The following ZFYVE9 variants were observed in gnomAD, a reference collection of about 807,000 sequenced individuals.
The protein encoded by ZFYVE9 is zinc finger FYVE-type containing 9.
In ZFYVE9, 43 loss-of-function variants were observed where a neutral mutation model predicts 126.7. That is an observed-to-expected ratio of 0.34 (90% CI 0.27 to 0.44). ZFYVE9 has a LOEUF of 0.44. ZFYVE9 is among the 20% of genes least tolerant of loss of function. The pLI, the probability that ZFYVE9 is intolerant of heterozygous loss-of-function variation, is 1.00. For synonymous variants in ZFYVE9, 521 were observed against 597.4 expected (o/e 0.87, Z 1.87); for missense variants, 1,476 against 1,697.0 (o/e 0.87, Z 2.29).
intron 16 of ZFYVE9, among the ~76,000 whole-genome samples, chr1:52,338,901 C>T (rs898796128): frequency 1.3e-5 from 2 of 152,092 alleles, no homozygotes; most frequent in Non-Finnish European, 2.9e-5. Flanking sequence ...ATCCCAGCTA[C>T]TCAGGAGGCT....
intron 4 of ZFYVE9, among the ~76,000 whole-genome samples, chr1:52,242,224 G>T (rs1057111513): frequency 3.9e-5 from 6 of 151,914 alleles, no homozygotes; most frequent in African/African-American, 1.2e-4. Flanking sequence ...TAGAGGCGGG[G>T]TTTCACCATG....
At chr1:52,305,166 C>T (rs1301642821) in intron 13 of ZFYVE9, among the ~76,000 whole-genome samples, 2 of 152,312 alleles carry the variant, frequency 1.3e-5, no homozygotes, top group Non-Finnish European at 2.9e-5. Flanking sequence ...GCTGGCCAAG[C>T]GCGATGGCTC....
chr1:52,205,504 C>T (rs1356228456), intron 1 of ZFYVE9, among the ~76,000 whole-genome samples: 6 of 151,776 alleles, frequency 4.0e-5, no homozygotes, highest in Non-Finnish European at 8.8e-5. Context: ...GCTAGGTCTA[C>T]AAGTGTGCAC....
In ZFYVE9 at chr1:52,272,941, C is replaced by G. The variant is rs191866505; in HGVS notation, c.2626-1523C>G. ...CCTTCCAAAGTGCTGGGATTACGGGCGTGAGCCACTGTACCCGGCCGTATG... is the reference window on the plus strand; with the variant it reads ...CCTTCCAAAGTGCTGGGATTACGGGGGTGAGCCACTGTACCCGGCCGTATG... On this transcript the variant is annotated intron_variant, in intron 7 of 18. Coordinates refer to ENST00000287727, the MANE Select transcript of ZFYVE9 (RefSeq NM_004799.4). Among the ~76,000 whole-genome samples the G allele has an allele frequency of 5.6e-3, 856 of 152,130 alleles. 5 individuals carry two copies. The highest frequency in any genetic ancestry group is 0.02 in the African/African-American group (824 of 41,476).
chr1:52,175,834 G>A (rs1361051089), intron 1 of ZFYVE9, among the ~76,000 whole-genome samples: 1 of 152,076 alleles, frequency 6.6e-6, no homozygotes, highest in Admixed American at 6.5e-5. Flanking sequence ...CGTAGTTCTC[G>A]AGCCTTGGCT....
rs139957432 is a variant in ZFYVE9 at position 52,213,476 on chromosome 1, C to G, written c.-142-2893C>G. Among the ~76,000 whole-genome samples the G allele has an allele frequency of 3.9e-3, 597 of 152,084 alleles. 12 individuals carry two copies. In the South Asian group the frequency reaches 0.044, roughly 11 times the overall value. ...GACCAGCCTGGGCAACATAGTGAAA[C>G]CCTGTCTCTACTAAAATACAAAAAA... On this transcript the variant is annotated intron_variant, in intron 1 of 18. Transcript: ENST00000287727.
At chr1:52,216,848 T>C (rs1645076215) in intron 2 of ZFYVE9, among the ~76,000 whole-genome samples, 1 of 152,204 alleles carries the variant, frequency 6.6e-6, no homozygotes, top group African/African-American at 2.4e-5. Context: ...GTAAATTTAA[T>C]TATGTTATTT....
At chr1:52,167,447 A>G (rs1240968028) in intron 1 of ZFYVE9, among the ~76,000 whole-genome samples, 1 of 152,192 alleles carries the variant, frequency 6.6e-6, no homozygotes, top group Non-Finnish European at 1.5e-5. Context: ...CGTTGCCATG[A>G]AGACCCATCT....
intron 1 of ZFYVE9, among the ~76,000 whole-genome samples, chr1:52,157,394 CTTTTTTTT>C (rs71579908): frequency 4.4e-4 from 26 of 58,448 alleles, no homozygotes; most frequent in South Asian, 9.6e-4. Context: ...ACCATATTCT[CTTTTTTTT>C]TTTTTTTTTT....
intron 13 of ZFYVE9, among the ~76,000 whole-genome samples, chr1:52,309,727 A>T (rs138103414): frequency 2.0e-5 from 3 of 152,174 alleles, no homozygotes; most frequent in Non-Finnish European, 2.9e-5. Flanking sequence ...AAGAGCTTTT[A>T]TAGGTTCTTA....
chr1:52,341,000 C>T (rs1646432750), intron 17 of ZFYVE9, among the ~76,000 whole-genome samples: 1 of 151,742 alleles, frequency 6.6e-6, no homozygotes, highest in Non-Finnish European at 1.5e-5. Flanking sequence ...GTGAGCAGAT[C>T]ACCTGAGGTC....
chr1:52,195,308 T>G (rs1372126579), intron 1 of ZFYVE9, among the ~76,000 whole-genome samples: 2 of 152,242 alleles, frequency 1.3e-5, no homozygotes, highest in Non-Finnish European at 2.9e-5. Context: ...ACCTAGTGGT[T>G]AAGAATCTGA....
At chr1:52,302,709 C>T (rs1646046849) in intron 12 of ZFYVE9, among the ~76,000 whole-genome samples, 1 of 151,908 alleles carries the variant, frequency 6.6e-6, no homozygotes, top group Non-Finnish European at 1.5e-5. Context: ...CAAGATTGCG[C>T]CACTGCACTC....
chr1:52,224,766 TTATAG>T (rs1388311136), intron 2 of ZFYVE9, among the ~76,000 whole-genome samples: 1 of 152,178 alleles, frequency 6.6e-6, no homozygotes, highest in Non-Finnish European at 1.5e-5. Context: ...GCTTGGCCTT[TTATAG>T]TCCCTGTCTT....
At chr1:52,274,860 A>G (rs1388917888) in intron 8 of ZFYVE9, among the ~76,000 whole-genome samples, 2 of 152,226 alleles carry the variant, frequency 1.3e-5, no homozygotes, top group African/African-American at 2.4e-5. Context: ...TTCAAAGCAC[A>G]TAATATTCTG....
At chr1:52,232,983 G>C (rs148502651) in intron 2 of ZFYVE9, among the ~76,000 whole-genome samples, 188 bp from the exon 3 acceptor site, 3 of 151,920 alleles carry the variant, frequency 2.0e-5, no homozygotes, top group Non-Finnish European at 4.4e-5. Flanking sequence ...ATATTTTGTT[G>C]ATTGTCAGCT....
intron 15 of ZFYVE9, among the ~76,000 whole-genome samples, chr1:52,336,353 TAA>T (rs1646388253): frequency 6.9e-6 from 1 of 144,576 alleles, no homozygotes; most frequent in African/African-American, 2.5e-5. Flanking sequence ...TTATGAAATC[TAA>T]GAGGTTTTTT....
intron 7 of ZFYVE9, among the ~76,000 whole-genome samples, chr1:52,269,352 A>G (rs1171681940): frequency 6.6e-6 from 1 of 151,948 alleles, no homozygotes; most frequent in Non-Finnish European, 1.5e-5. Context: ...CTGCGTCTCG[A>G]ACTCCTGACC....
intron 1 of ZFYVE9, among the ~76,000 whole-genome samples, chr1:52,177,541 A>C (rs942152351): frequency 2.0e-5 from 3 of 152,226 alleles, no homozygotes; most frequent in Non-Finnish European, 4.4e-5. Context: ...TGCTAGATAT[A>C]GAAAAAGGAA....
Sources: allele counts gnomAD v4.1 joint callset (sites outside exome capture counted in the v4.1 genomes callset), GRCh38; gene constraint gnomAD v4.1.1; transcripts MANE v1.5; gene names NCBI Gene and HGNC (gene_info 2026-07-23, HGNC 2026-07-21).